ST6GAL2: variants seen among roughly 807,000 people sequenced by gnomAD.
ST6GAL2 encodes the protein beta-galactoside alpha-2,6-sialyltransferase 2.
In ST6GAL2, 24 loss-of-function variants were observed where a neutral mutation model predicts 37.5. That is an observed-to-expected ratio of 0.64 (90% CI 0.46 to 0.90). The LOEUF is 0.90. ST6GAL2 is among the 40% of genes least tolerant of loss of function. The probability of loss-of-function intolerance (pLI) is 0.00; values close to 1 mark genes in which losing one functional copy is unlikely to be tolerated. For missense variants in ST6GAL2, 715 were observed against 712.7 expected (o/e 1.00, Z -0.04); for synonymous variants, 306 against 295.1 (o/e 1.04, Z -0.38).
At chr2:106,827,527 T>C (rs1320660234) in intron 5 of ST6GAL2, among the ~76,000 whole-genome samples, 1 of 152,178 alleles carries the variant, frequency 6.6e-6, no homozygotes, top group Non-Finnish European at 1.5e-5. Context: ...TTGCCTCTTC[T>C]ATCCTCGCCC....
At chr2:106,813,276 T>C in intron 5 of ST6GAL2, 2 of 1,254,330 alleles carry the variant, frequency 1.6e-6, no homozygotes, top group Non-Finnish European at 2.0e-6. Context: ...TTCTAGGCAA[T>C]TGTGACTCAA....
chr2:106,846,983 T>C (rs912953849), intron 1 of ST6GAL2, among the ~76,000 whole-genome samples: 2 of 152,184 alleles, frequency 1.3e-5, no homozygotes, highest in Non-Finnish European at 2.9e-5. Flanking sequence ...CAGCAGATAT[T>C]ACATGCAAAT....
chr2:106,830,715 T>C (rs1184565686), intron 4 of ST6GAL2, among the ~76,000 whole-genome samples: 1 of 152,172 alleles, frequency 6.6e-6, no homozygotes, highest in East Asian at 1.9e-4. Flanking sequence ...GGGAACTGGA[T>C]CAGTGTATTT....
intron 1 of ST6GAL2, among the ~76,000 whole-genome samples, chr2:106,877,065 A>T (rs1009293136): frequency 5.9e-5 from 9 of 152,202 alleles, no homozygotes; most frequent in African/African-American, 2.2e-4. Flanking sequence ...ATTCCATTTG[A>T]CATCATGCAG....
chr2:106,807,091 A>G, intron 5 of ST6GAL2, 142 bp from the exon 6 acceptor site: 1 of 679,628 alleles, frequency 1.5e-6, no homozygotes. Context: ...TTGCAATGTT[A>G]TAACTTCCAT....
Position 106,806,812 on chromosome 2 carries a change from G to A in ST6GAL2, c.1456C>T (p.Leu486Phe), listed in dbSNP as rs1269804780. ...ACTLGAYHPLLYEKLLVQRLN... is the reference protein window; with the variant it reads ...ACTLGAYHPLFYEKLLVQRLN... ...CGCTGCACCAGGAGCTTCTCATAGA[G>A]TAGTGGGTGGTACGCCCCGAGGGTG... Residue 486 changes from leucine to phenylalanine, a missense_variant, in exon 6 of 6, where the codon CTC (leucine) becomes TTC (phenylalanine). Leu to Phe is a conservative substitution (Grantham distance 22). Around this residue, in one of 3 missense-constraint regions of ST6GAL2, gnomAD observed 198 missense variants for 203.6 expected, o/e 0.97. Coordinates refer to ENST00000409382, the MANE Select transcript of ST6GAL2 (RefSeq NM_001142351.2). 2 of 1,614,204 alleles carry A rather than the reference G, an allele frequency of 1.2e-6. No individual in the cohort carries two copies. Among genetic ancestry groups the A allele is most frequent in the South Asian group, 1.1e-5 (1 of 91,086 alleles).
chr2:106,843,340 G>A lies in ST6GAL2; in HGVS notation c.638C>T (p.Ser213Phe). 2 of 1,614,120 alleles carry A rather than the reference G, an allele frequency of 1.2e-6. No homozygotes were observed. The highest frequency in any genetic ancestry group is 1.1e-5 in the South Asian group (1 of 91,084). The stretch of plus-strand genomic sequence containing the variant: ...CAGGCGCGGGTTCAGCATTTTGGAA[G>A]AGACGTTCCCCTTCCAGAGCCGGTA... ...FLYRLWKGNV[S>F]SKMLNPRLQK... The change falls in exon 2 of 6, where the codon TCT becomes TTT. Residue 213 changes from serine to phenylalanine, a missense_variant. Ser to Phe is a radical substitution (Grantham distance 155). Around this residue, in one of 3 missense-constraint regions of ST6GAL2, gnomAD observed 512 missense variants for 488.8 expected, o/e 1.05. Transcript: ENST00000409382.
intron 5 of ST6GAL2, among the ~76,000 whole-genome samples, chr2:106,808,455 G>A (rs1297862541): frequency 6.6e-6 from 1 of 152,194 alleles, no homozygotes; most frequent in Non-Finnish European, 1.5e-5. Context: ...TCTCAAGAGC[G>A]ATGGTCAGAA....
chr2:106,807,719 G>T (rs1207985867), intron 5 of ST6GAL2, among the ~76,000 whole-genome samples: 2 of 146,336 alleles, frequency 1.4e-5, no homozygotes, highest in Non-Finnish European at 3.0e-5. Flanking sequence ...CCCCTTCCCC[G>T]ATTCACGCCA....
intron 5 of ST6GAL2, among the ~76,000 whole-genome samples, chr2:106,818,396 G>A (rs1675884438): frequency 6.6e-6 from 1 of 152,190 alleles, no homozygotes; most frequent in Admixed American, 6.5e-5. Context: ...TTGTTTGAGA[G>A]AAAGTGAGGG....
At chr2:106,809,482 C>G (rs1397571464) in intron 5 of ST6GAL2, among the ~76,000 whole-genome samples, 1 of 152,176 alleles carries the variant, frequency 6.6e-6, no homozygotes, top group Non-Finnish European at 1.5e-5. Flanking sequence ...CTTTGCAACT[C>G]TGGTTCTTAA....
intron 5 of ST6GAL2, 114 bp downstream of exon 5, chr2:106,829,952 C>A: frequency 1.0e-6 from 1 of 981,146 alleles, no homozygotes; most frequent in Non-Finnish European, 1.5e-6. Flanking sequence ...CTTCTGGTTC[C>A]AGGCATTTCA....
At chr2:106,872,865 T>G (rs886288096) in intron 1 of ST6GAL2, among the ~76,000 whole-genome samples, 1 of 152,164 alleles carries the variant, frequency 6.6e-6, no homozygotes, top group Non-Finnish European at 1.5e-5. Flanking sequence ...TGAAGATCAC[T>G]TAATGTTCCT....
chr2:106,841,440 A>G (rs1029049238), intron 2 of ST6GAL2, among the ~76,000 whole-genome samples: 6 of 152,230 alleles, frequency 3.9e-5, no homozygotes, highest in Non-Finnish European at 7.3e-5. Context: ...TCTGGACTTG[A>G]GGCTGACGCT....
chr2:106,864,205 A>C lies in ST6GAL2; in HGVS notation c.-57-20171T>G, dbSNP rs574879860. Among the ~76,000 whole-genome samples the C allele has an allele frequency of 3.3e-5, 5 of 152,328 alleles. No individual in the cohort carries two copies. In the South Asian group the frequency reaches 1.0e-3, roughly 32 times the overall value. On this transcript the variant is annotated intron_variant, in intron 1 of 5. Transcript: ENST00000409382. The stretch of plus-strand genomic sequence containing the variant: ...TCCTGTAATTCTTGTTACCTCTACC[A>C]AAACCAACCTCTCTCCCTGCAGCCC...
chr2:106,858,175 T>C (rs1181510644), intron 1 of ST6GAL2, among the ~76,000 whole-genome samples: 7 of 152,328 alleles, frequency 4.6e-5, no homozygotes, highest in Non-Finnish European at 4.4e-5. Flanking sequence ...ACTTTACTCA[T>C]TTTACTTTTT....
Position 106,834,461 on chromosome 2 carries a change from C to T in ST6GAL2, c.944-315G>A. ...GTGACATGCTTGATGCAGCCATTCT[C>T]CCAAAGCTTCCAATACATCTTGAGG... On this transcript the variant is annotated intron_variant, in intron 2 of 5. Coordinates refer to ENST00000409382, the MANE Select transcript of ST6GAL2 (RefSeq NM_001142351.2). 3 of 244,840 alleles carry T rather than the reference C, an allele frequency of 1.2e-5. 1 individual carries two copies. Among genetic ancestry groups the T allele is most frequent in the Non-Finnish European group, 2.4e-5 (3 of 126,178 alleles). 15.2% of individuals were successfully genotyped at this position (244,840 alleles called of 1,614,324 possible). A position where few individuals can be genotyped will look rare whatever the true frequency, so the allele number is the denominator to read the frequency against.
At chr2:106,808,241 A>T (rs971107552) in intron 5 of ST6GAL2, among the ~76,000 whole-genome samples, 1 of 152,170 alleles carries the variant, frequency 6.6e-6, no homozygotes, top group Non-Finnish European at 1.5e-5. Flanking sequence ...GGCTGCCCAA[A>T]GGTGGAGAAG....
At chr2:106,872,722 C>A (rs1315458738) in intron 1 of ST6GAL2, among the ~76,000 whole-genome samples, 1 of 151,962 alleles carries the variant, frequency 6.6e-6, no homozygotes, top group African/African-American at 2.4e-5. Context: ...CTGCCTCAGC[C>A]TCCTGAGTAG....
Sources: gnomAD v4.1 joint callset for allele counts (sites outside exome capture counted in the v4.1 genomes callset) on GRCh38, gnomAD v4.1.1 for gene constraint, gnomAD v4.1.1 regional missense constraint, MANE v1.5 for transcripts, NCBI Gene and HGNC (gene_info 2026-07-23, HGNC 2026-07-21) for gene names.